Variants in MGAM observed in about 807,000 individuals in gnomAD.
The protein encoded by MGAM is alpha-1,4-glucosidase.
A neutral mutation model predicts 358.8 loss-of-function variants in MGAM; 253 were observed. That is an observed-to-expected ratio of 0.71 (90% CI 0.64 to 0.78). MGAM has a LOEUF of 0.78. MGAM is among the 30% of genes least tolerant of loss of function. The pLI, the probability that MGAM is intolerant of heterozygous loss-of-function variation, is 0.00. For synonymous variants in MGAM, 1,105 were observed against 1,227.1 expected (o/e 0.90, Z 2.08); for missense variants, 3,080 against 3,432.6 (o/e 0.90, Z 2.57).
chr7:142,025,188 AT>A, intron 8 of MGAM, 39 bp downstream of exon 8: 1 of 1,439,650 alleles, frequency 6.9e-7, no homozygotes. Context: ...CACAAGAGTG[AT>A]TTTCAGTCCC....
intron 20 of MGAM, 194 bp from the exon 21 acceptor site, chr7:142,040,528 T>G: frequency 1.4e-6 from 1 of 691,730 alleles, no homozygotes; most frequent in Non-Finnish European, 2.4e-6. Flanking sequence ...TGGCATAAAT[T>G]TTTTCACAAA....
chr7:142,074,060 G>T, intron 44 of MGAM, 25 bp from the exon 45 acceptor site: 1 of 1,466,144 alleles, frequency 6.8e-7, no homozygotes, highest in Non-Finnish European at 9.5e-7. Flanking sequence ...TCCTGTCTTT[G>T]TCTCTTGAAT....
chr7:142,057,827 C>G (rs1157413827), intron 30 of MGAM, among the ~76,000 whole-genome samples: 1 of 152,092 alleles, frequency 6.6e-6, no homozygotes, highest in Non-Finnish European at 1.5e-5. Context: ...CTATTATTAT[C>G]CGTTATTTAC....
chr7:142,040,928 C>G, intron 21 of MGAM, 82 bp downstream of exon 21: 1 of 1,480,224 alleles, frequency 6.8e-7, no homozygotes, highest in African/African-American at 1.4e-5. Context: ...ACACTAACAG[C>G]CAGGTGGTCA....
intron 70 of MGAM, among the ~76,000 whole-genome samples, chr7:142,104,770 T>A (rs1268167642): frequency 6.6e-6 from 1 of 152,178 alleles, no homozygotes. Flanking sequence ...CAGATGAATG[T>A]TAAATATGTG....
intron 30 of MGAM, among the ~76,000 whole-genome samples, chr7:142,057,329 G>A (rs1205565253): frequency 6.6e-6 from 1 of 151,224 alleles, no homozygotes; most frequent in Non-Finnish European, 1.5e-5. Flanking sequence ...GGTGGTAATG[G>A]GTGTGTTGGT....
chr7:142,082,818 C>CAAAT (rs1814437428), intron 52 of MGAM, among the ~76,000 whole-genome samples: 1 of 145,846 alleles, frequency 6.9e-6, no homozygotes, highest in Admixed American at 6.9e-5. Flanking sequence ...ACATGGGTCC[C>CAAAT]AAATGTCTTG....
At chr7:142,041,938 T>TA (rs1491194988) in intron 21 of MGAM, among the ~76,000 whole-genome samples, 640 of 18,206 alleles carry the variant, frequency 0.035, 29 homozygotes, top group Non-Finnish European at 0.06. Flanking sequence ...AATATATATA[T>TA]TATATATATA....
chr7:142,054,638 T>C (rs918285306), intron 26 of MGAM, 116 bp from the exon 27 acceptor site: 6 of 1,139,378 alleles, frequency 5.3e-6, no homozygotes, highest in South Asian at 1.7e-5. Context: ...TCAGATATCA[T>C]AAAGAAGATA....
At chr7:141,998,476 A>C (rs1305265540) in intron 1 of MGAM, among the ~76,000 whole-genome samples, 2 of 152,122 alleles carry the variant, frequency 1.3e-5, no homozygotes, top group Non-Finnish European at 2.9e-5. Flanking sequence ...CTCATTGTTC[A>C]ACTTCCACTT....
chr7:142,078,718 C>T lies in MGAM; in HGVS notation c.5647-90C>T, dbSNP rs926928037. On this transcript the variant is annotated intron_variant, in intron 48 of 70. Coordinates refer to ENST00000475668, the MANE Select transcript of MGAM (RefSeq NM_001365693.1). ...ATAAGTGATAGGCTGGTTTTATTGT[C>T]ATATAAAATGACTTTTCTAACCCTG... 4.8e-5 allele frequency: 62 copies of T among 1,291,494 alleles called. 6 individuals are homozygous for T. In the East Asian group the frequency reaches 1.2e-3, roughly 25 times the overall value. The allele number at this position is 1,291,494 out of a possible 1,614,324, so 80.0% of individuals were successfully genotyped here.
At position 142,068,683 on chromosome 7, in the gene MGAM, C is replaced by T. The variant is rs751133007; in HGVS notation, c.5041C>T (p.Arg1681Cys). 1.2e-5 allele frequency: 18 copies of T among 1,535,130 alleles called. 3 individuals are homozygous for T. The highest frequency in any genetic ancestry group is 5.1e-5 in the Admixed American group (3 of 58,450). ...TGTCACTGCATATTTCCCTAGAGCC[C>T]GTTGGTACGATTACTACACGGTAAG... ...RNVTAYFPRA[R>C]WYDYYTGVDI... The change falls in exon 43 of 71, where the codon CGT (arginine) becomes TGT (cysteine). Residue 1681 changes from arginine (R) to cysteine (C), a missense_variant. Transcript: ENST00000475668.
intron 57 of MGAM, among the ~76,000 whole-genome samples, chr7:142,090,058 A>G (rs1180849635): frequency 6.8e-6 from 1 of 146,052 alleles, no homozygotes; most frequent in Non-Finnish European, 1.5e-5. Context: ...GCAATGTGCC[A>G]CAAAAAGAGT....
chr7:142,097,572 C>T (rs201881309), intron 65 of MGAM, 21 bp from the exon 66 acceptor site: 108 of 1,608,980 alleles, frequency 6.7e-5, no homozygotes, highest in Admixed American at 1.8e-4. Context: ...ACTGCCACAC[C>T]TTGTTTATGT....
chr7:142,076,641 G>A lies in MGAM; in HGVS notation c.5326-18G>A. On this transcript the variant is annotated intron_variant, in intron 46 of 70. Coordinates refer to ENST00000475668, the MANE Select transcript of MGAM (RefSeq NM_001365693.1). ...ACAGGCATACCTTTATGCATAATTG[G>A]AGTTAATTGTTTTGCAGAACCACTT... 6.6e-7 allele frequency: 1 copy of A among 1,508,322 alleles called. No individual in the cohort carries two copies. Among genetic ancestry groups the A allele is most frequent in the Non-Finnish European group, 9.1e-7 (1 of 1,094,020 alleles). The allele number at this position is 1,508,322 out of a possible 1,614,324, so 93.4% of individuals were successfully genotyped here.
Position 142,094,963 on chromosome 7 carries a change from A to AT in MGAM, c.7458+114dup, listed in dbSNP as rs138070479. The AT allele has an allele frequency of 2.0e-4, 189 of 933,740 alleles. No individual in the cohort carries two copies. In the African/African-American group the frequency reaches 2.4e-3, roughly 12 times the overall value. 57.8% of individuals were successfully genotyped at this position (933,740 alleles called of 1,614,324 possible). ...CTGTATTTCCTGTGATATCTTTAAA[A>AT]TTTTTTTTTTTTTTCTTTTGAGACA... is the stretch of plus-strand genomic sequence containing the variant. On this transcript the variant is annotated intron_variant, in intron 63 of 70. Transcript: ENST00000475668.
chr7:142,094,297 G>A lies in MGAM; in HGVS notation c.7173-67G>A, dbSNP rs1037512018. ...TTGACTAGGCTCAAGGGCTCTGGGA[G>A]CAGATGCTCTATGGCCTTTGCTTCC... On this transcript the variant is annotated intron_variant, in intron 60 of 70. Transcript: ENST00000475668. 1.4e-5 allele frequency: 20 copies of A among 1,470,166 alleles called. 2 individuals are homozygous for A. Among genetic ancestry groups the A allele is most frequent in the Middle Eastern group, 2.3e-4 (1 of 4,280 alleles). The allele number at this position is 1,470,166 out of a possible 1,614,324, so 91.1% of individuals were successfully genotyped here. A position where few individuals can be genotyped will look rare whatever the true frequency, so the allele number is the denominator to read the frequency against.
intron 57 of MGAM, among the ~76,000 whole-genome samples, chr7:142,090,287 G>A (rs1563216257): frequency 1.4e-5 from 2 of 145,820 alleles, no homozygotes; most frequent in South Asian, 2.2e-4. Context: ...AGTTCACCAC[G>A]TGTACCCCAT....
Position 142,021,111 on chromosome 7 carries a change from T to G in MGAM, c.558+28T>G, listed in dbSNP as rs529777477. 13 of 1,516,886 alleles carry G rather than the reference T, an allele frequency of 8.6e-6. No individual in the cohort carries two copies. In the South Asian group the frequency reaches 1.4e-4, roughly 17 times the overall value. The allele number at this position is 1,516,886 out of a possible 1,614,324, so 94.0% of individuals were successfully genotyped here. A position where few individuals can be genotyped will look rare whatever the true frequency, so the allele number is the denominator to read the frequency against. ...TGTAATTTGTTTATTTTTTTTTAAG[T>G]TTTTTTGAGAGACTTTTATTCCCTA... On this transcript the variant is annotated intron_variant, in intron 5 of 70. Coordinates refer to ENST00000475668, the MANE Select transcript of MGAM (RefSeq NM_001365693.1).
Sources: gnomAD v4.1 joint callset for allele counts (sites outside exome capture counted in the v4.1 genomes callset) on GRCh38, gnomAD v4.1.1 for gene constraint, MANE v1.5 for transcripts, NCBI Gene and HGNC (gene_info 2026-07-23, HGNC 2026-07-21) for gene names.